MACROD2: variants seen among roughly 807,000 people sequenced by gnomAD.
The protein encoded by MACROD2 is mono-ADP ribosylhydrolase 2.
A neutral mutation model predicts 70.4 loss-of-function variants in MACROD2; 36 were observed. The ratio of observed to expected loss-of-function variants is 0.51; its 90% CI spans 0.39 to 0.68. MACROD2 has a LOEUF of 0.68. MACROD2 is among the 30% of genes least tolerant of loss of function. The pLI, the probability that MACROD2 is intolerant of heterozygous loss-of-function variation, is 0.00. For missense variants in MACROD2, 496 were observed against 538.4 expected, an observed-to-expected ratio of 0.92 and a Z score of 0.78; for synonymous variants, 172 against 178.8, an observed-to-expected ratio of 0.96 and a Z score of 0.30.
chr20:15,327,047 T>C (rs1240404341), intron 6 of MACROD2, among the ~76,000 whole-genome samples: 1 of 152,176 alleles, frequency 6.6e-6, no homozygotes, highest in African/African-American at 2.4e-5. Flanking sequence ...TTAATATACA[T>C]TTTACGTAAT....
At chr20:14,351,323 A>T (rs1053449267) in intron 3 of MACROD2, among the ~76,000 whole-genome samples, 2 of 152,024 alleles carry the variant, frequency 1.3e-5, no homozygotes, top group Non-Finnish European at 2.9e-5. Context: ...TTGAATCTGT[A>T]GATTGCTCTG....
At chr20:14,488,838 A>T (rs1333001864) in intron 3 of MACROD2, among the ~76,000 whole-genome samples, 1 of 152,148 alleles carries the variant, frequency 6.6e-6, no homozygotes, top group African/African-American at 2.4e-5. Context: ...CCATGCTACG[A>T]TATTCCTAGA....
At chr20:14,236,844 C>T (rs2081877872) in intron 3 of MACROD2, among the ~76,000 whole-genome samples, 1 of 151,984 alleles carries the variant, frequency 6.6e-6, no homozygotes, top group African/African-American at 2.4e-5. Flanking sequence ...TAAACTATTT[C>T]CAATCAAAAT....
At chr20:14,939,856 T>C (rs1434282032) in intron 5 of MACROD2, among the ~76,000 whole-genome samples, 1 of 152,082 alleles carries the variant, frequency 6.6e-6, no homozygotes, top group African/African-American at 2.4e-5. Flanking sequence ...TTTTATATTC[T>C]TTGTAGCTAT....
chr20:14,665,093 A>T (rs1280710182), intron 4 of MACROD2, among the ~76,000 whole-genome samples: 1 of 152,164 alleles, frequency 6.6e-6, no homozygotes, highest in Non-Finnish European at 1.5e-5. Context: ...GTTAGATGTC[A>T]TCATTATTAC....
intron 5 of MACROD2, among the ~76,000 whole-genome samples, chr20:15,125,508 A>G (rs893797815): frequency 2.6e-5 from 4 of 152,116 alleles, no homozygotes; most frequent in Non-Finnish European, 5.9e-5. Flanking sequence ...ATCATAGTGA[A>G]TCTATATCAC....
intron 4 of MACROD2, among the ~76,000 whole-genome samples, chr20:14,507,496 A>T (rs1268394677): frequency 6.6e-6 from 1 of 152,218 alleles, no homozygotes; most frequent in South Asian, 2.1e-4. Flanking sequence ...ACTGACCTGT[A>T]CTATTAAAAA....
intron 6 of MACROD2, among the ~76,000 whole-genome samples, chr20:15,284,278 A>T (rs1193680429): frequency 6.6e-6 from 1 of 152,090 alleles, no homozygotes; most frequent in African/African-American, 2.4e-5. Flanking sequence ...TTTCCTGCCA[A>T]ATTTCCTCTA....
intron 5 of MACROD2, among the ~76,000 whole-genome samples, chr20:14,810,400 TA>T (rs1427975003): frequency 6.6e-6 from 1 of 152,058 alleles, no homozygotes. Flanking sequence ...CCCTTCATGC[TA>T]AAAACTCTCA....
chr20:14,627,447 A>G (rs545768905), intron 4 of MACROD2, among the ~76,000 whole-genome samples: 2 of 152,218 alleles, frequency 1.3e-5, no homozygotes, highest in Middle Eastern at 3.4e-3. Context: ...ATTAGGATCA[A>G]CTGAGGTCTC....
intron 9 of MACROD2, among the ~76,000 whole-genome samples, chr20:15,883,947 C>T (rs1313113011): frequency 3.9e-5 from 6 of 152,062 alleles, no homozygotes; most frequent in African/African-American, 7.2e-5. Flanking sequence ...ATTATAATAA[C>T]AGCTAATATT....
chr20:14,330,861 C>T (rs2301024), intron 3 of MACROD2, among the ~76,000 whole-genome samples: 134,864 of 152,094 alleles, frequency 0.89, 59,998 homozygotes, highest in Non-Finnish European at 0.92. Context: ...AACCAAGCTG[C>T]TGAAATTATA....
intron 3 of MACROD2, among the ~76,000 whole-genome samples, chr20:14,357,307 G>A (rs2083181306): frequency 6.6e-6 from 1 of 152,038 alleles, no homozygotes; most frequent in African/African-American, 2.4e-5. Context: ...ACCATCTTAG[G>A]ACTTTTTACT....
intron 5 of MACROD2, among the ~76,000 whole-genome samples, chr20:14,721,096 A>G (rs1472096888): frequency 6.6e-6 from 1 of 151,760 alleles, no homozygotes; most frequent in Non-Finnish European, 1.5e-5. Context: ...CTCTACTAAA[A>G]TACAAAAAGT....
chr20:14,741,275 A>G (rs189541976), intron 5 of MACROD2, among the ~76,000 whole-genome samples: 26 of 152,294 alleles, frequency 1.7e-4, no homozygotes, highest in Non-Finnish European at 2.2e-4. Context: ...TAGACCAAGC[A>G]TCATGTTCAC....
At chr20:15,769,604 A>T (rs983596151) in intron 8 of MACROD2, among the ~76,000 whole-genome samples, 4 of 152,238 alleles carry the variant, frequency 2.6e-5, no homozygotes, top group African/African-American at 9.6e-5. Context: ...GTGCTCTGAC[A>T]TTATGATGGC....
At position 14,078,125 on chromosome 20, in the gene MACROD2, C is replaced by T. The variant is rs2053939655; in HGVS notation, c.164-7496C>T. 2.0e-5 allele frequency among the ~76,000 whole-genome samples: 3 copies of T among 152,060 alleles called. No homozygotes were observed. In the South Asian group the frequency reaches 6.2e-4, roughly 32 times the overall value. On this transcript the variant is annotated intron_variant, in intron 2 of 17. Transcript: ENST00000684519. ...CCATGTTGGTCAGGCTGATCTCGAACTTCCGAACTCAGGTGATCCGCCTGC... is the reference window on the plus strand; with the variant it reads ...CCATGTTGGTCAGGCTGATCTCGAATTTCCGAACTCAGGTGATCCGCCTGC...
chr20:15,313,222 T>C (rs1382152568), intron 6 of MACROD2, among the ~76,000 whole-genome samples: 1 of 152,094 alleles, frequency 6.6e-6, no homozygotes, highest in East Asian at 1.9e-4. Context: ...AAAAATGATA[T>C]GCGGCCGTGT....
At chr20:15,475,415 C>T (rs1043813106) in intron 7 of MACROD2, among the ~76,000 whole-genome samples, 1 of 152,202 alleles carries the variant, frequency 6.6e-6, no homozygotes, top group Admixed American at 6.5e-5. Flanking sequence ...GGCAAGCTTT[C>T]TGTTAGGTAG....
Sources: allele counts gnomAD v4.1 joint callset (sites outside exome capture counted in the v4.1 genomes callset), GRCh38; gene constraint gnomAD v4.1.1; transcripts MANE v1.5; gene names NCBI Gene and HGNC (gene_info 2026-07-23, HGNC 2026-07-21).